Variants in ZDHHC19 observed in about 807,000 individuals in gnomAD.
The protein encoded by ZDHHC19 is palmitoyltransferase ZDHHC19.
ZDHHC19 carries 30 observed loss-of-function variants against 33.9 expected under a neutral mutation model. The observed-to-expected ratio is 0.88, with a 90% CI of 0.66 to 1.20. ZDHHC19 has a LOEUF of 1.20. ZDHHC19 is among the 50% of genes most tolerant of loss of function. The pLI is 0.00. For missense variants in ZDHHC19, 364 were observed against 401.1 expected (o/e 0.91, Z 0.79); for synonymous variants, 178 against 167.6 (o/e 1.06, Z -0.48).
At chr3:196,201,099 G>A (rs988566297) in intron 5 of ZDHHC19, among the ~76,000 whole-genome samples, 1 of 151,056 alleles carries the variant, frequency 6.6e-6, no homozygotes, top group Admixed American at 6.6e-5. Flanking sequence ...TTGAGACGGA[G>A]TCTCACTGTG....
intron 5 of ZDHHC19, among the ~76,000 whole-genome samples, chr3:196,204,168 G>A (rs28633805): frequency 1.3e-3 from 202 of 152,208 alleles, no homozygotes; most frequent in African/African-American, 4.3e-3. Flanking sequence ...AAAGCTATTG[G>A]AACTAATAAA....
Position 196,198,773 on chromosome 3 carries a change from T to C in ZDHHC19, c.773+16A>G, listed in dbSNP as rs747164156. On this transcript the variant is annotated intron_variant, in intron 6 of 7. Transcript: ENST00000296326. ...CCCCAGGGTTCACCAGTTGGGCCTCTGGCTTGCCAACTCACTTGGGTCCCA... is the reference window on the plus strand; with the variant it reads ...CCCCAGGGTTCACCAGTTGGGCCTCCGGCTTGCCAACTCACTTGGGTCCCA... The C allele has an allele frequency of 1.2e-6, 2 of 1,613,750 alleles. No homozygotes were observed. The highest frequency in any genetic ancestry group is 1.1e-5 in the South Asian group (1 of 91,000).
intron 5 of ZDHHC19, among the ~76,000 whole-genome samples, chr3:196,206,488 G>T (rs932963621): frequency 6.6e-6 from 1 of 151,778 alleles, no homozygotes; most frequent in Non-Finnish European, 1.5e-5. Flanking sequence ...GAGTAGCTGG[G>T]ACTAAAGGCA....
chr3:196,202,582 A>T (rs1345338411), intron 5 of ZDHHC19: 2 of 152,992 alleles, frequency 1.3e-5, no homozygotes, highest in Admixed American at 6.5e-5. Flanking sequence ...AAGGAGCAGG[A>T]ACCCAGGCAG....
intron 7 of ZDHHC19, 25 bp downstream of exon 7, chr3:196,198,251 A>C: frequency 6.9e-7 from 1 of 1,458,666 alleles, no homozygotes. Context: ...ACGCACAGAC[A>C]CCCACGCACA....
chr3:196,209,872 T>C (rs983832464), intron 2 of ZDHHC19, among the ~76,000 whole-genome samples: 8 of 152,220 alleles, frequency 5.3e-5, no homozygotes, highest in African/African-American at 1.9e-4. Context: ...TCAACAATTC[T>C]GTTTTTCCAC....
At chr3:196,210,421 GGAAA>G (rs149833656) in intron 2 of ZDHHC19, among the ~76,000 whole-genome samples, 191 bp downstream of exon 2, 9 of 132,798 alleles carry the variant, frequency 6.8e-5, no homozygotes, top group African/African-American at 1.4e-4. Context: ...GAGGAAGGAA[GGAAA>G]GAAAGAAAGA....
In ZDHHC19 at chr3:196,207,396, ACCTTGC is replaced by A. The variant is rs1560137942; in HGVS notation, c.683_687+1del. The stretch of plus-strand genomic sequence containing the variant: ...AAGCTGACCACCCGCGGCCCCGCGT[ACCTTGC>A]CCTTGTAGGTGCGGTCGGCCGAGCT... On this transcript the variant is annotated splice_donor_variant and coding_sequence_variant, in exon 5 of 8. Transcript: ENST00000296326. LOFTEE classifies it high-confidence loss of function. The A allele has an allele frequency of 6.4e-7, 1 of 1,556,306 alleles. No individual in the cohort carries two copies. The highest frequency in any genetic ancestry group is 8.7e-7 in the Non-Finnish European group (1 of 1,150,846).
Position 196,207,426 on chromosome 3 carries a change from C to A in ZDHHC19, c.659G>T (p.Ser220Ile). Residue 220 changes from serine to isoleucine, a missense_variant, in exon 5 of 8, where the codon AGC becomes ATC. Physicochemically the swap from Ser to Ile is moderately radical, Grantham distance 142 (BLOSUM62 -2). Transcript: ENST00000296326. Reference sequence around the variant, plus strand: ...GCCCTTGTAGGTGCGGTCGGCCGAGCTCACGGACAGTGCCTGGATCAGCAG... The same window carrying A: ...GCCCTTGTAGGTGCGGTCGGCCGAGATCACGGACAGTGCCTGGATCAGCAG... ...LLLLIQALSV[S>I]SADRTYKGKC... The A allele has an allele frequency of 6.4e-7, 1 of 1,570,660 alleles. No homozygotes were observed. Among genetic ancestry groups the A allele is most frequent in the Non-Finnish European group, 8.6e-7 (1 of 1,159,008 alleles).
chr3:196,210,351 A>AGAAC (rs1399376123), intron 2 of ZDHHC19, among the ~76,000 whole-genome samples: 7 of 136,418 alleles, frequency 5.1e-5, no homozygotes, highest in Non-Finnish European at 1.1e-4. Context: ...GAAAAGAGAA[A>AGAAC]GAAAGAAAGA....
chr3:196,198,532 C>A, intron 6 of ZDHHC19, 81 bp from the exon 7 acceptor site: 1 of 1,575,128 alleles, frequency 6.3e-7, no homozygotes, highest in South Asian at 1.1e-5. Flanking sequence ...GGGAAGCACA[C>A]GGCCCAGGGC....
At chr3:196,204,497 AT>A (rs901223297) in intron 5 of ZDHHC19, among the ~76,000 whole-genome samples, 7 of 152,212 alleles carry the variant, frequency 4.6e-5, no homozygotes, top group African/African-American at 1.2e-4. Context: ...ATCCTAGCAG[AT>A]TTTTTTGTAA....
intron 5 of ZDHHC19, among the ~76,000 whole-genome samples, chr3:196,207,052 A>G (rs1560137479): frequency 6.6e-6 from 1 of 151,958 alleles, no homozygotes; most frequent in East Asian, 1.9e-4. Flanking sequence ...TGCGCCACAC[A>G]GCTCAGGACC....
intron 5 of ZDHHC19, among the ~76,000 whole-genome samples, chr3:196,200,562 G>A (rs551688330): frequency 8.1e-5 from 12 of 148,862 alleles, no homozygotes; most frequent in East Asian, 2.0e-4. Context: ...CACCGTGTTA[G>A]CCAGGATGGT....
In ZDHHC19 at chr3:196,198,081, G is replaced by C. The variant is rs551083273; in HGVS notation, c.*19+195C>G. ...CTCCATTTGTCTTTGTGACTCCAGG[G>C]ACTCCTGGGTGTATTCTAGAGGCCT... On this transcript the variant is annotated intron_variant, in intron 7 of 7. Transcript: ENST00000296326. 5.9e-5 allele frequency among the ~76,000 whole-genome samples: 9 copies of C among 152,240 alleles called. No individual in the cohort carries two copies. The East Asian group carries it at 1.7e-3, about 29-fold the overall frequency.
chr3:196,199,333 G>A (rs1722054842), intron 5 of ZDHHC19: 1 of 173,988 alleles, frequency 5.7e-6, no homozygotes, highest in African/African-American at 2.4e-5. Context: ...CCACAGGGCA[G>A]GCTGGGCCTC....
chr3:196,208,699 A>C, intron 3 of ZDHHC19, 139 bp from the exon 4 acceptor site: 2 of 961,676 alleles, frequency 2.1e-6, no homozygotes, highest in Non-Finnish European at 3.1e-6. Context: ...CCCAGGGAGA[A>C]ACTGAGCCAC....
intron 5 of ZDHHC19, among the ~76,000 whole-genome samples, chr3:196,205,699 T>C (rs1292911852): frequency 2.0e-5 from 3 of 152,238 alleles, no homozygotes; most frequent in Non-Finnish European, 4.4e-5. Flanking sequence ...TCTGGCTCTG[T>C]CTCCCAAGCT....
chr3:196,208,248 A>G (rs1464900802), intron 4 of ZDHHC19, 140 bp downstream of exon 4: 8 of 236,648 alleles, frequency 3.4e-5, no homozygotes, highest in South Asian at 2.7e-4. Context: ...CCATCCCCCG[A>G]CCCCGCCCAC....
Sources: allele counts gnomAD v4.1 joint callset (sites outside exome capture counted in the v4.1 genomes callset), GRCh38; gene constraint gnomAD v4.1.1; transcripts MANE v1.5; gene names NCBI Gene and HGNC (gene_info 2026-07-23, HGNC 2026-07-21).